ZBTB40: variants seen among roughly 807,000 people sequenced by gnomAD.
The protein encoded by ZBTB40 is zinc finger and BTB domain-containing protein 40.
A neutral mutation model predicts 117.5 loss-of-function variants in ZBTB40; 60 were observed. The ratio of observed to expected loss-of-function variants is 0.51; its 90% CI spans 0.41 to 0.63. The LOEUF is 0.63. Ranked by LOEUF, ZBTB40 falls within the 30% of genes least tolerant of loss-of-function variation. The pLI, the probability that ZBTB40 is intolerant of heterozygous loss-of-function variation, is 0.00. For missense variants in ZBTB40, 1,287 were observed against 1,498.5 expected (o/e 0.86, Z 2.33); for synonymous variants, 525 against 577.1 (o/e 0.91, Z 1.29).
chr1:22,501,364 C>T, intron 3 of ZBTB40, 128 bp from the exon 4 acceptor site: 1 of 949,082 alleles, frequency 1.1e-6, no homozygotes, highest in Non-Finnish European at 1.7e-6. Flanking sequence ...GAAGAAAGTG[C>T]AGTGGGTGAG....
chr1:22,472,189 T>A (rs1182981074), intron 1 of ZBTB40, among the ~76,000 whole-genome samples: 1 of 152,058 alleles, frequency 6.6e-6, no homozygotes, highest in Non-Finnish European at 1.5e-5. Flanking sequence ...GAGCTGCTTT[T>A]TTTTTTTTTC....
chr1:22,459,567 C>G (rs1362341417), intron 1 of ZBTB40, among the ~76,000 whole-genome samples: 1 of 152,152 alleles, frequency 6.6e-6, no homozygotes, highest in Non-Finnish European at 1.5e-5. Flanking sequence ...GTTTGATTGC[C>G]AATTCATATG....
Position 22,511,938 on chromosome 1 carries a change from G to A in ZBTB40, c.2265G>A (p.Met755Ile). Reference sequence around the variant, plus strand: ...TCTACTGCCGCCTAAAGGTGCACATGAAGCGCTGCCGGGTGGCTAAGAGCA... The same window carrying A: ...TCTACTGCCGCCTAAAGGTGCACATAAAGCGCTGCCGGGTGGCTAAGAGCA... Reference protein sequence around the residue: ...FHFYCRLKVHMKRCRVAKSKQ... With the variant: ...FHFYCRLKVHIKRCRVAKSKQ... Residue 755 changes from methionine to isoleucine, a missense_variant, in exon 11 of 18, where the codon ATG (methionine) becomes ATA (isoleucine). By Grantham distance (10) the Met-to-Ile change is conservative. Transcript: ENST00000375647. 1 of 1,614,212 alleles carries A rather than the reference G, an allele frequency of 6.2e-7. No homozygotes were observed. The highest frequency in any genetic ancestry group is 8.5e-7 in the Non-Finnish European group (1 of 1,180,046).
chr1:22,458,201 A>G (rs147828063), intron 1 of ZBTB40, among the ~76,000 whole-genome samples: 66 of 152,226 alleles, frequency 4.3e-4, no homozygotes, highest in African/African-American at 1.4e-3. Context: ...TTCCTCTCCA[A>G]TCTATTTGGT....
At chr1:22,430,081 A>G (rs1557468026) in intron 1 of ZBTB40, among the ~76,000 whole-genome samples, 1 of 152,260 alleles carries the variant, frequency 6.6e-6, no homozygotes, top group Non-Finnish European at 1.5e-5. Flanking sequence ...AGAAGCTACT[A>G]TAATCACTAA....
At chr1:22,510,971 A>G (rs981521816) in intron 9 of ZBTB40, among the ~76,000 whole-genome samples, 20 of 152,088 alleles carry the variant, frequency 1.3e-4, no homozygotes, top group African/African-American at 4.6e-4. Context: ...ATCTGGATAC[A>G]TGCTTCTTTT....
At chr1:22,487,367 C>T (rs1436468352) in intron 1 of ZBTB40, among the ~76,000 whole-genome samples, 1 of 152,124 alleles carries the variant, frequency 6.6e-6, no homozygotes, top group Non-Finnish European at 1.5e-5. Context: ...GTCTTTCCGC[C>T]CTTTTCTTAG....
chr1:22,481,676 A>G (rs1569818103), intron 1 of ZBTB40, among the ~76,000 whole-genome samples: 2 of 150,986 alleles, frequency 1.3e-5, no homozygotes, highest in African/African-American at 2.4e-5. Context: ...TCCCGAAAAT[A>G]TAATTCCAGT....
chr1:22,489,909 A>C lies in ZBTB40; in HGVS notation c.-40A>C. 6.3e-7 allele frequency: 1 copy of C among 1,591,130 alleles called. No individual in the cohort carries two copies. The highest frequency in any genetic ancestry group is 1.1e-5 in the South Asian group (1 of 90,688). On this transcript the variant is annotated 5_prime_UTR_variant, in exon 2 of 18. Coordinates refer to ENST00000375647, the MANE Select transcript of ZBTB40 (RefSeq NM_014870.4). The stretch of plus-strand genomic sequence containing the variant: ...TGTCCTCCCAAAGCCAACTCTAAGG[A>C]GAGGAGAGGAAGAGCAGTTCTTGGG...
At position 22,506,091 on chromosome 1, in the gene ZBTB40, A is replaced by G. The variant is rs1440067572; in HGVS notation, c.1210A>G (p.Ile404Val). The stretch of plus-strand genomic sequence containing the variant: ...TGAGGGCAGAACACCCAAGGAGACA[A>G]TAGAAAATTTGTTGCACAGAATGAC... ...CCEGRTPKET[I>V]ENLLHRMTEE... The change falls in exon 6 of 18, where the codon ATA becomes GTA. Residue 404 changes from isoleucine (I) to valine (V), a missense_variant. This residue lies in a region of ZBTB40 where 870 missense variants were observed against 934.4 expected (regional missense o/e 0.93). Transcript: ENST00000375647. 3.1e-6 allele frequency: 5 copies of G among 1,614,066 alleles called. No homozygotes were observed. Among genetic ancestry groups the G allele is most frequent in the South Asian group, 1.1e-5 (1 of 91,088 alleles).
rs770697567 is a variant in ZBTB40 at position 22,524,279 on chromosome 1, G to A, written c.3360G>A (p.Gln1120=). The part of the protein sequence containing the change: ...AATFRFPGAL[Q]HHVTTEHFKQ... ...CTTTCCGTTTTCCTGGAGCATTGCAGCACCATGTCACCACGGAGCACTTCA... is the reference window on the plus strand; with the variant it reads ...CTTTCCGTTTTCCTGGAGCATTGCAACACCATGTCACCACGGAGCACTTCA... The change falls in exon 17 of 18, where the codon CAG becomes CAA. Residue 1120 remains glutamine (Q), a synonymous_variant. Transcript: ENST00000375647. 142 of 1,614,038 alleles carry A rather than the reference G, an allele frequency of 8.8e-5. No individual in the cohort carries two copies. The highest frequency in any genetic ancestry group is 1.2e-4 in the Non-Finnish European group (137 of 1,180,056).
intron 1 of ZBTB40, among the ~76,000 whole-genome samples, chr1:22,488,980 G>C (rs1420441534): frequency 1.3e-5 from 2 of 152,186 alleles, no homozygotes; most frequent in African/African-American, 4.8e-5. Context: ...TAAAGGATTG[G>C]ATATAGCGTA....
chr1:22,447,138 T>C (rs949113353), upstream of ZBTB40, among the ~76,000 whole-genome samples: 3 of 151,888 alleles, frequency 2.0e-5, no homozygotes, highest in Admixed American at 2.0e-4. Context: ...CTTGATATGG[T>C]TGGTAATGGT....
intron 17 of ZBTB40, among the ~76,000 whole-genome samples, chr1:22,525,829 A>T (rs1039743964): frequency 6.6e-6 from 1 of 152,216 alleles, no homozygotes; most frequent in Non-Finnish European, 1.5e-5. Flanking sequence ...TGTTCCAGGC[A>T]TGAGACCAGC....
chr1:22,433,431 T>TCAAAAAACAAAAACAAAAAC (rs1277245081), intron 1 of ZBTB40, among the ~76,000 whole-genome samples: 1 of 4,302 alleles, frequency 2.3e-4, no homozygotes, highest in African/African-American at 4.6e-4. Context: ...AGACGCCCTC[T>TCAAAAAACAAAAACAAAAAC]CAAAAAAAAA....
In ZBTB40 at chr1:22,518,516, G is replaced by A. The variant is rs1639435028; in HGVS notation, c.2833+1052G>A. On this transcript the variant is annotated intron_variant, in intron 13 of 17. Transcript: ENST00000375647. Reference sequence around the variant, plus strand: ...CCATCAAAACTTGTCTTTTTTGCATGCCCTGCATCTCACATGCTCTTCTTC... The same window carrying A: ...CCATCAAAACTTGTCTTTTTTGCATACCCTGCATCTCACATGCTCTTCTTC... Among the ~76,000 whole-genome samples, 6 of 152,132 alleles carry A rather than the reference G, an allele frequency of 3.9e-5. No homozygotes were observed. The South Asian group carries it at 1.0e-3, about 26-fold the overall frequency.
rs149507974 is a variant in ZBTB40, at chr1:22,525,086, C to T, written c.3525+642C>T. Among the ~76,000 whole-genome samples the T allele has an allele frequency of 3.8e-3, 580 of 152,298 alleles. 2 individuals are homozygous for T. The highest frequency in any genetic ancestry group is 0.01 in the Middle Eastern group (3 of 294). On this transcript the variant is annotated intron_variant, in intron 17 of 17. Transcript: ENST00000375647. ...TTGGTCTGTTAGACTGTCCCGCTGT[C>T]CAGTTCCAGATCAGTCATTTATAAA...
intron 1 of ZBTB40, among the ~76,000 whole-genome samples, chr1:22,479,430 T>A (rs957268735): frequency 1.3e-5 from 2 of 152,200 alleles, no homozygotes; most frequent in East Asian, 3.8e-4. Context: ...GACCTGATAG[T>A]TTATCATATA....
chr1:22,468,025 G>A (rs1569789890), intron 1 of ZBTB40, among the ~76,000 whole-genome samples: 2 of 151,218 alleles, frequency 1.3e-5, no homozygotes, highest in East Asian at 1.9e-4. Flanking sequence ...GGTGGTCAAG[G>A]CTGCAGTGAG....
Sources: gnomAD v4.1 joint callset for allele counts (sites outside exome capture counted in the v4.1 genomes callset) on GRCh38, gnomAD v4.1.1 for gene constraint, gnomAD v4.1.1 regional missense constraint, MANE v1.5 for transcripts, NCBI Gene and HGNC (gene_info 2026-07-23, HGNC 2026-07-21) for gene names.